The following ADCY9 variants were observed in gnomAD, a reference collection of about 807,000 sequenced individuals.
The protein encoded by ADCY9 is adenylate cyclase 9.
In ADCY9, 50 loss-of-function variants were observed where a neutral mutation model predicts 101.5. That is an observed-to-expected ratio of 0.49 (90% confidence interval 0.39 to 0.62). The LOEUF (loss-of-function observed/expected upper bound fraction) is 0.62. Ranked by LOEUF, ADCY9 falls within the 20% of genes least tolerant of loss-of-function variation. The pLI is 0.00. For synonymous variants in ADCY9, 905 were observed against 769.3 expected (o/e 1.18, Z -2.92); for missense variants, 1,662 against 1,800.4 (o/e 0.92, Z 1.39).
intron 2 of ADCY9, among the ~76,000 whole-genome samples, chr16:4,030,477 G>A (rs1334523728): frequency 6.6e-6 from 1 of 152,072 alleles, no homozygotes; most frequent in East Asian, 1.9e-4. Context: ...CTAGGCGGGT[G>A]GATTACCTGA....
intron 2 of ADCY9, among the ~76,000 whole-genome samples, chr16:4,050,421 T>A (rs72762793): frequency 0.029 from 4,425 of 152,190 alleles, 78 homozygotes; most frequent in Admixed American, 0.053. Flanking sequence ...ATATGTTTAA[T>A]TTCCTAGCTA....
intron 3 of ADCY9, among the ~76,000 whole-genome samples, chr16:4,003,458 C>G (rs773543970): frequency 1.0e-3 from 153 of 152,246 alleles, no homozygotes; most frequent in Admixed American, 2.6e-3. Context: ...GGCACCATTC[C>G]GGCTCATCTC....
At chr16:4,058,468 A>G (rs1408472254) in intron 2 of ADCY9, among the ~76,000 whole-genome samples, 14 of 133,956 alleles carry the variant, frequency 1.0e-4, no homozygotes, top group Non-Finnish European at 1.7e-4. Flanking sequence ...TGTCTCCAAG[A>G]AAAAAAAAAA....
chr16:3,961,882 C>T (rs1015729598), downstream of ADCY9, among the ~76,000 whole-genome samples: 6 of 152,084 alleles, frequency 3.9e-5, no homozygotes, highest in South Asian at 2.1e-4. Flanking sequence ...GAAAATTACC[C>T]GGGTGTGGTG....
At chr16:4,060,447 G>A (rs958523120) in intron 2 of ADCY9, among the ~76,000 whole-genome samples, 5 of 152,280 alleles carry the variant, frequency 3.3e-5, no homozygotes, top group African/African-American at 7.2e-5. Context: ...AGACAGGCTC[G>A]TATAATATAT....
At chr16:4,097,553 A>ATATATATATATATTT (rs1382458827) in intron 2 of ADCY9, among the ~76,000 whole-genome samples, 3 of 53,402 alleles carry the variant, frequency 5.6e-5, no homozygotes, top group African/African-American at 1.7e-4. Context: ...ATATATATAT[A>ATATATATATATATTT]TTTTTTTTTT....
At chr16:4,022,077 T>C (rs1047959108) in intron 2 of ADCY9, among the ~76,000 whole-genome samples, 1 of 152,210 alleles carries the variant, frequency 6.6e-6, no homozygotes, top group African/African-American at 2.4e-5. Flanking sequence ...TCAGCCACCT[T>C]TGTGCCCAGC....
chr16:4,099,124 G>T (rs772739044), intron 2 of ADCY9, among the ~76,000 whole-genome samples: 2 of 152,028 alleles, frequency 1.3e-5, no homozygotes, highest in East Asian at 1.9e-4. Flanking sequence ...GTACAGACAG[G>T]GTTTCCCCAT....
intron 2 of ADCY9, among the ~76,000 whole-genome samples, chr16:4,097,128 C>T (rs890805135): frequency 6.6e-6 from 1 of 152,054 alleles, no homozygotes; most frequent in African/African-American, 2.4e-5. Context: ...CCCCACATTT[C>T]CTGGGCCTCC....
At chr16:4,028,590 G>A (rs1290632369) in intron 2 of ADCY9, among the ~76,000 whole-genome samples, 3 of 152,180 alleles carry the variant, frequency 2.0e-5, no homozygotes, top group Admixed American at 2.0e-4. Flanking sequence ...GTTTGGGACT[G>A]GAAGCAGGTA....
At chr16:4,097,557 T>TATATATATATATATATACA (rs1567147096) in intron 2 of ADCY9, among the ~76,000 whole-genome samples, 1 of 79,700 alleles carries the variant, frequency 1.3e-5, no homozygotes, top group African/African-American at 7.7e-5. Flanking sequence ...ATATATATTT[T>TATATATATATATATATACA]TTTTTTTTTT....
Position 3,989,015 on chromosome 16 carries a change from G to A in ADCY9, c.2289C>T (p.Tyr763=), listed in dbSNP as rs371878891. ...GCACCTCTTCCTGATAGCTGGTCCT[G>A]TAGGATCGCTCCAGCTCCTGATCCA... is the stretch of plus-strand genomic sequence containing the variant. ...NFLDQELERS[Y]RTSYQEEVIK... Residue 763 remains tyrosine, a synonymous_variant, in exon 6 of 11, where the codon TAC becomes TAT. Coordinates refer to ENST00000294016, the MANE Select transcript of ADCY9 (RefSeq NM_001116.4). 4 of 1,613,618 alleles carry A rather than the reference G, an allele frequency of 2.5e-6. No homozygotes were observed. The African/African-American group carries it at 4.0e-5, about 16-fold the overall frequency.
At chr16:4,010,889 A>C (rs2056399737) in intron 2 of ADCY9, among the ~76,000 whole-genome samples, 1 of 152,042 alleles carries the variant, frequency 6.6e-6, no homozygotes, top group African/African-American at 2.4e-5. Context: ...GCTTGCTGTA[A>C]GGGGCTCTCT....
At chr16:4,077,782 T>C (rs1459482825) in intron 2 of ADCY9, among the ~76,000 whole-genome samples, 1 of 152,114 alleles carries the variant, frequency 6.6e-6, no homozygotes, top group African/African-American at 2.4e-5. Context: ...GGTGGATTAC[T>C]TGAGGTCAGG....
intron 2 of ADCY9, 90 bp downstream of exon 2, chr16:4,113,660 C>A (rs979768838): frequency 6.7e-7 from 1 of 1,496,690 alleles, no homozygotes; most frequent in African/African-American, 1.4e-5. Context: ...CCTGAGCTGT[C>A]TGCAGACACT....
At chr16:4,100,597 C>T (rs1390552227) in intron 2 of ADCY9, among the ~76,000 whole-genome samples, 1 of 151,978 alleles carries the variant, frequency 6.6e-6, no homozygotes, top group Non-Finnish European at 1.5e-5. Context: ...TCCGAAAGTG[C>T]TGGGATTACA....
chr16:4,023,574 T>C (rs1038175230), intron 2 of ADCY9, among the ~76,000 whole-genome samples: 4 of 152,044 alleles, frequency 2.6e-5, no homozygotes, highest in Non-Finnish European at 5.9e-5. Flanking sequence ...AAGTGTGGCA[T>C]GAGAGGAGGC....
chr16:4,026,989 C>G (rs115305937), intron 2 of ADCY9, among the ~76,000 whole-genome samples: 3 of 152,190 alleles, frequency 2.0e-5, no homozygotes, highest in African/African-American at 7.2e-5. Context: ...GGTTCCCTCC[C>G]GCAACCAACC....
chr16:4,112,767 C>T (rs2057121834), intron 2 of ADCY9, among the ~76,000 whole-genome samples: 1 of 152,048 alleles, frequency 6.6e-6, no homozygotes, highest in Non-Finnish European at 1.5e-5. Flanking sequence ...AACAGATGTT[C>T]CCCTCAATCC....
Sources: allele counts gnomAD v4.1 joint callset (sites outside exome capture counted in the v4.1 genomes callset), GRCh38; gene constraint gnomAD v4.1.1; transcripts MANE v1.5; gene names NCBI Gene and HGNC (gene_info 2026-07-23, HGNC 2026-07-21).